Variants in SDK1 observed in about 807,000 individuals in gnomAD.
The protein encoded by SDK1 is protein sidekick-1.
SDK1 carries 157 observed loss-of-function variants against 245.5 expected under a neutral mutation model. The ratio of observed to expected loss-of-function variants is 0.64; its 90% CI spans 0.56 to 0.73. The LOEUF is 0.73. Ranked by LOEUF, SDK1 falls within the 30% of genes least tolerant of loss-of-function variation. The pLI, the probability that SDK1 is intolerant of heterozygous loss-of-function variation, is 0.00. For missense variants in SDK1, 3,583 were observed against 3,002.3 expected (o/e 1.19, Z -4.52); for synonymous variants, 1,647 against 1,278.5 (o/e 1.29, Z -6.15).
chr7:3,360,339 G>A (rs1325138296), intron 1 of SDK1, among the ~76,000 whole-genome samples: 1 of 152,144 alleles, frequency 6.6e-6, no homozygotes, highest in African/African-American at 2.4e-5. Context: ...AGGAACTACT[G>A]GGGCAGATTC....
intron 40 of SDK1, among the ~76,000 whole-genome samples, chr7:4,223,742 T>G (rs1785263859): frequency 6.6e-6 from 1 of 152,156 alleles, no homozygotes; most frequent in Non-Finnish European, 1.5e-5. Context: ...GACTTCAACG[T>G]ATGAATTTGC....
intron 5 of SDK1, among the ~76,000 whole-genome samples, chr7:3,898,675 A>C (rs574562013): frequency 2.8e-4 from 42 of 152,330 alleles, no homozygotes; most frequent in African/African-American, 9.6e-4. Flanking sequence ...CCGAATTAAC[A>C]AAAAGTTTGA....
intron 13 of SDK1, among the ~76,000 whole-genome samples, chr7:3,985,261 A>G (rs1783733433): frequency 6.6e-6 from 1 of 152,266 alleles, no homozygotes; most frequent in Admixed American, 6.5e-5. Flanking sequence ...TGGAAGTTCC[A>G]TCTCAGATCA....
At chr7:3,842,335 G>A (rs535442910) in intron 5 of SDK1, among the ~76,000 whole-genome samples, 1 of 152,326 alleles carries the variant, frequency 6.6e-6, no homozygotes, top group East Asian at 1.9e-4. Context: ...ACCCAAGGGT[G>A]CCCTGGACCA....
chr7:3,925,639 A>G (rs1260991844), intron 5 of SDK1, among the ~76,000 whole-genome samples: 3 of 152,220 alleles, frequency 2.0e-5, no homozygotes, highest in Non-Finnish European at 4.4e-5. Context: ...TGCAGTGGGC[A>G]GGCAGCATGA....
rs753249749 is a variant in SDK1, at chr7:3,576,807, G to A, written c.299-42273G>A. 2.8e-4 allele frequency among the ~76,000 whole-genome samples: 42 copies of A among 151,956 alleles called. 1 individual carries two copies. Among genetic ancestry groups the A allele is most frequent in the Non-Finnish European group, 5.6e-4 (38 of 67,940 alleles). On this transcript the variant is annotated intron_variant, in intron 1 of 44. Coordinates refer to ENST00000404826, the MANE Select transcript of SDK1 (RefSeq NM_152744.4). Reference sequence around the variant, plus strand: ...TGATGCTTCCTTGATTCAGGCAGAAGGTATTTACTTGTAAATTATATACAG... The same window carrying A: ...TGATGCTTCCTTGATTCAGGCAGAAAGTATTTACTTGTAAATTATATACAG...
At chr7:4,056,893 G>A (rs1445526103) in intron 19 of SDK1, among the ~76,000 whole-genome samples, 2 of 152,032 alleles carry the variant, frequency 1.3e-5, no homozygotes, top group South Asian at 2.1e-4. Flanking sequence ...GCTCCCGACA[G>A]CCTCTGCATC....
At chr7:4,255,286 C>T (rs1787555450) in intron 44 of SDK1, among the ~76,000 whole-genome samples, 1 of 152,218 alleles carries the variant, frequency 6.6e-6, no homozygotes, top group Non-Finnish European at 1.5e-5. Flanking sequence ...CAAATAAAGT[C>T]ATTTTCCTCA....
At chr7:4,206,331 C>T (rs2128227279) in intron 36 of SDK1, among the ~76,000 whole-genome samples, 1 of 152,304 alleles carries the variant, frequency 6.6e-6, no homozygotes, top group Admixed American at 6.5e-5. Context: ...ATTCTGGAGC[C>T]CCCAGTACAT....
chr7:3,661,793 G>A lies in SDK1; in HGVS notation c.713+19688G>A, dbSNP rs564468270. 2.6e-5 allele frequency among the ~76,000 whole-genome samples: 4 copies of A among 152,214 alleles called. No homozygotes were observed. The South Asian group carries it at 8.3e-4, about 32-fold the overall frequency. On this transcript the variant is annotated intron_variant, in intron 4 of 44. Coordinates refer to ENST00000404826, the MANE Select transcript of SDK1 (RefSeq NM_152744.4). ...ACCCTGGCTGTGATACCTAATAGTT[G>A]TGTGGCCTCGGGCAAGCACCTGGGC... is the stretch of plus-strand genomic sequence containing the variant.
chr7:4,084,255 T>C (rs1333551014), intron 22 of SDK1, among the ~76,000 whole-genome samples: 1 of 152,210 alleles, frequency 6.6e-6, no homozygotes, highest in Non-Finnish European at 1.5e-5. Flanking sequence ...TAAATAGATT[T>C]TTCTTTCTTT....
chr7:3,444,948 A>G (rs551944942), intron 1 of SDK1, among the ~76,000 whole-genome samples: 103 of 152,372 alleles, frequency 6.8e-4, no homozygotes, highest in Non-Finnish European at 1.2e-3. Flanking sequence ...CTTACAAACT[A>G]CTTTGAAAAA....
At chr7:3,878,864 A>G (rs1781137387) in intron 5 of SDK1, among the ~76,000 whole-genome samples, 1 of 152,222 alleles carries the variant, frequency 6.6e-6, no homozygotes, top group African/African-American at 2.4e-5. Flanking sequence ...TCTAACATGC[A>G]TACACAAAAG....
At chr7:4,002,228 C>T (rs573034068) in intron 14 of SDK1, among the ~76,000 whole-genome samples, 4 of 116,740 alleles carry the variant, frequency 3.4e-5, no homozygotes, top group East Asian at 5.2e-4. Flanking sequence ...TGGCTGTGCC[C>T]GTCTCTGAGT....
intron 4 of SDK1, among the ~76,000 whole-genome samples, chr7:3,722,178 C>T (rs757508131): frequency 6.6e-6 from 1 of 152,082 alleles, no homozygotes; most frequent in Non-Finnish European, 1.5e-5. Context: ...CCAGGCCAGC[C>T]CAGGTTAGCA....
chr7:3,925,301 TA>T (rs1305032778), intron 5 of SDK1, among the ~76,000 whole-genome samples: 1 of 152,064 alleles, frequency 6.6e-6, no homozygotes. Context: ...ATTTAAAAAG[TA>T]AAAAGAAGCG....
chr7:3,479,549 A>C (rs1374944144), intron 1 of SDK1, among the ~76,000 whole-genome samples: 1 of 152,028 alleles, frequency 6.6e-6, no homozygotes, highest in African/African-American at 2.4e-5. Context: ...TCTGATTAGC[A>C]ATTAGTGAGA....
At chr7:3,563,205 G>C (rs1283869204) in intron 1 of SDK1, among the ~76,000 whole-genome samples, 5 of 151,926 alleles carry the variant, frequency 3.3e-5, no homozygotes, top group Admixed American at 2.0e-4. Flanking sequence ...AAGTGGGATG[G>C]AAAGAATAAA....
At chr7:3,975,948 G>T (rs1029201333) in intron 13 of SDK1, among the ~76,000 whole-genome samples, 1 of 138,776 alleles carries the variant, frequency 7.2e-6, no homozygotes, top group Admixed American at 7.3e-5. Flanking sequence ...CCGGGGCTGA[G>T]GCTGCCACGC....
Sources: allele counts gnomAD v4.1 joint callset (sites outside exome capture counted in the v4.1 genomes callset), GRCh38; gene constraint gnomAD v4.1.1; transcripts MANE v1.5; gene names NCBI Gene and HGNC (gene_info 2026-07-23, HGNC 2026-07-21).